SEL1L3: variants seen among roughly 807,000 people sequenced by gnomAD.
The protein encoded by SEL1L3 is protein sel-1 homolog 3.
In SEL1L3, 76 loss-of-function variants were observed where a neutral mutation model predicts 142.8. The observed-to-expected ratio is 0.53, with a 90% CI of 0.44 to 0.64. SEL1L3 has a LOEUF of 0.64. SEL1L3 is among the 30% of genes least tolerant of loss of function. The pLI is 0.00. For synonymous variants in SEL1L3, 504 were observed against 519.6 expected (o/e 0.97, Z 0.41); for missense variants, 1,262 against 1,381.7 (o/e 0.91, Z 1.37).
chr4:25,814,112 C>G (rs966748967), intron 9 of SEL1L3, among the ~76,000 whole-genome samples: 7 of 152,118 alleles, frequency 4.6e-5, no homozygotes, highest in African/African-American at 1.7e-4. Flanking sequence ...AGATGACTCT[C>G]AGACAGAACC....
At chr4:25,821,666 G>A (rs941429424) in intron 7 of SEL1L3, among the ~76,000 whole-genome samples, 6 of 152,178 alleles carry the variant, frequency 3.9e-5, no homozygotes, top group Non-Finnish European at 5.9e-5. Context: ...ATAAAAGAAG[G>A]TTTACCAAAT....
At chr4:25,771,571 A>G (rs538880855) in intron 17 of SEL1L3, among the ~76,000 whole-genome samples, 10 of 152,298 alleles carry the variant, frequency 6.6e-5, no homozygotes, top group African/African-American at 2.4e-4. Context: ...TAAGGATGAA[A>G]AAAAAATTCC....
chr4:25,734,587 T>C, the SEL1L3 span, among the ~76,000 whole-genome samples: 10 of 152,044 alleles, frequency 6.6e-5, no homozygotes, highest in African/African-American at 2.4e-4. Flanking sequence ...TTCTTTTTTT[T>C]TGAGACAGTC....
rs1280119693 is a variant in SEL1L3 at position 25,759,011 on chromosome 4, A to G, written c.3013T>C (p.Leu1005=). ...GTTGAGTCAATTTCCAAGAAATCCA[A>G]GATATGGTGTGGGATTATCGTACCT... ...EEGTIIPHHI[L]DFLEIDSTLH... Residue 1005 remains leucine, a synonymous_variant, in exon 21 of 24, where the codon TTG becomes CTG. Transcript: ENST00000399878. 1.9e-6 allele frequency: 3 copies of G among 1,613,840 alleles called. No homozygotes were observed. The highest frequency in any genetic ancestry group is 2.5e-6 in the Non-Finnish European group (3 of 1,179,800).
chr4:25,767,498 A>C, intron 19 of SEL1L3, 27 bp downstream of exon 19: 1 of 1,276,570 alleles, frequency 7.8e-7, no homozygotes, highest in Non-Finnish European at 1.1e-6. Flanking sequence ...CTAATGCTTC[A>C]ATTTTGCACC....
intron 19 of SEL1L3, among the ~76,000 whole-genome samples, chr4:25,766,804 A>C (rs1247067605): frequency 1.3e-5 from 2 of 152,154 alleles, no homozygotes; most frequent in Non-Finnish European, 2.9e-5. Context: ...TTCTTCTCCC[A>C]TCCTGCAATC....
rs202238797 is a variant in SEL1L3, at chr4:25,847,743, T to C, written c.284A>G (p.Asn95Ser). 6.2e-7 allele frequency: 1 copy of C among 1,613,942 alleles called. No homozygotes were observed. Among genetic ancestry groups the C allele is most frequent in the Non-Finnish European group, 8.5e-7 (1 of 1,179,878 alleles). Reference protein sequence around the residue: ...YFTVFEGNVRNVSEVSVEYLC... With the variant: ...YFTVFEGNVRSVSEVSVEYLC... ...ATACTCAACCGAGACTTCAGAAACG[T>C]TGCGAACGTTTCCTTCAAAGACAGT... Residue 95 changes from asparagine to serine, a missense_variant, in exon 2 of 24, where the codon AAC (asparagine) becomes AGC (serine). Asn to Ser is a conservative substitution (Grantham distance 46). This residue lies in a region of SEL1L3 where 689 missense variants were observed against 692.8 expected (regional missense o/e 0.99). Transcript: ENST00000399878.
At chr4:25,856,896 G>A (rs1483012942) in intron 1 of SEL1L3, among the ~76,000 whole-genome samples, 1 of 152,210 alleles carries the variant, frequency 6.6e-6, no homozygotes, top group Non-Finnish European at 1.5e-5. Flanking sequence ...GGTATTTAAG[G>A]AAGGAACAGA....
At chr4:25,843,405 A>G (rs561846172) in intron 2 of SEL1L3, among the ~76,000 whole-genome samples, 3 of 152,098 alleles carry the variant, frequency 2.0e-5, no homozygotes, top group Non-Finnish European at 2.9e-5. Context: ...GCAAGAAGGG[A>G]CTGAATATGT....
the SEL1L3 span, chr4:25,719,180 AAAAAGAAAAG>A: frequency 3.3e-5 from 5 of 152,298 alleles, no homozygotes; most frequent in East Asian, 5.8e-4. Flanking sequence ...CTGTCTCTTA[AAAAAGAAAAG>A]AAAAGAAAAG....
At position 25,819,947 on chromosome 4, in the gene SEL1L3, G is replaced by A. The variant is rs1345289419; in HGVS notation, c.1291-7C>T. ...CAAGGAGGGGATTAAAAATCTACAA[G>A]AAGGCAAGAAAGTCAAATGAACAAC... On this transcript the variant is annotated splice_polypyrimidine_tract_variant and splice_region_variant and intron_variant, in intron 7 of 23. Coordinates refer to ENST00000399878, the MANE Select transcript of SEL1L3 (RefSeq NM_015187.5). The A allele has an allele frequency of 6.2e-7, 1 of 1,607,348 alleles. No individual in the cohort carries two copies. Among genetic ancestry groups the A allele is most frequent in the Admixed American group, 1.7e-5 (1 of 59,042 alleles).
At chr4:25,793,638 G>A (rs1420971546) in intron 11 of SEL1L3, among the ~76,000 whole-genome samples, 1 of 152,106 alleles carries the variant, frequency 6.6e-6, no homozygotes, top group Non-Finnish European at 1.5e-5. Flanking sequence ...TCAGATGGAG[G>A]GGATCTGAAT....
intron 11 of SEL1L3, among the ~76,000 whole-genome samples, chr4:25,801,438 T>C (rs867285874): frequency 2.9e-4 from 44 of 152,112 alleles, no homozygotes; most frequent in Admixed American, 1.7e-3. Context: ...GCAACCACTT[T>C]ATTGTCTACC....
At chr4:25,780,535 TGCTTCC>T (rs1719924102) in intron 15 of SEL1L3, among the ~76,000 whole-genome samples, 1 of 152,050 alleles carries the variant, frequency 6.6e-6, no homozygotes, top group South Asian at 2.1e-4. Flanking sequence ...ACACCAAGCC[TGCTTCC>T]TTCTCAGGGC....
At chr4:25,770,072 G>A (rs1446009863) in intron 17 of SEL1L3, among the ~76,000 whole-genome samples, 1 of 152,106 alleles carries the variant, frequency 6.6e-6, no homozygotes, top group Non-Finnish European at 1.5e-5. Context: ...AGGTTGCAGT[G>A]AGCCGAGACT....
intron 20 of SEL1L3, among the ~76,000 whole-genome samples, chr4:25,761,790 C>G (rs897242049): frequency 1.3e-5 from 2 of 152,116 alleles, no homozygotes; most frequent in Non-Finnish European, 2.9e-5. Context: ...TATCATTATT[C>G]AATTAGCAAA....
rs1164335757 is a variant in SEL1L3 at position 25,748,399 on chromosome 4, A to T, written c.*26T>A. 26 of 1,591,778 alleles carry T rather than the reference A, an allele frequency of 1.6e-5. No homozygotes were observed. The South Asian group carries it at 2.9e-4, about 18-fold the overall frequency. ...CCAGCTGTTGAAAAGATTCTCTCTC[A>T]TCTGGAGAGAACTGGAGTGCACAGT... On this transcript the variant is annotated 3_prime_UTR_variant, in exon 24 of 24. Coordinates refer to ENST00000399878, the MANE Select transcript of SEL1L3 (RefSeq NM_015187.5).
chr4:25,779,262 C>G, intron 15 of SEL1L3, 59 bp from the exon 16 acceptor site: 1 of 1,600,664 alleles, frequency 6.2e-7, no homozygotes, highest in South Asian at 1.1e-5. Context: ...TCGCCAGAGA[C>G]AAGGTGATGA....
At chr4:25,795,655 C>T (rs1441013897) in intron 11 of SEL1L3, among the ~76,000 whole-genome samples, 1 of 152,194 alleles carries the variant, frequency 6.6e-6, no homozygotes, top group Non-Finnish European at 1.5e-5. Context: ...GACCCAGGAC[C>T]TGGACCCAGG....
Sources: allele counts gnomAD v4.1 joint callset (sites outside exome capture counted in the v4.1 genomes callset), GRCh38; gene constraint gnomAD v4.1.1; regional missense constraint gnomAD v4.1.1; transcripts MANE v1.5; gene names NCBI Gene and HGNC (gene_info 2026-07-23, HGNC 2026-07-21).